Variants in CCR10 observed in about 807,000 individuals in gnomAD.
The protein encoded by CCR10 is C-C chemokine receptor type 10.
CCR10 carries 11 observed loss-of-function variants against 11.9 expected under a neutral mutation model. The ratio of observed to expected loss-of-function variants is 0.92; its 90% CI spans 0.58 to 1.53. The LOEUF (loss-of-function observed/expected upper bound fraction) is 1.53, where lower values mean the gene tolerates loss of function less well. Ranked by LOEUF, CCR10 falls within the 40% of genes most tolerant of loss-of-function variation. CCR10 has a pLI of 0.00. For missense variants in CCR10, 428 were observed against 496.6 expected (o/e 0.86, Z 1.31); for synonymous variants, 224 against 245.4 (o/e 0.91, Z 0.81).
intron 1 of CCR10, 51 bp from the exon 2 acceptor site, chr17:42,680,668 C>A (rs148991339): frequency 3.1e-6 from 4 of 1,299,298 alleles, no homozygotes; most frequent in Non-Finnish European, 4.3e-6. Context: ...TCTGACCACA[C>A]AACTCCCCCG....
Position 42,679,795 on chromosome 17 carries a change from G to A in CCR10, c.847C>T (p.Pro283Ser). 6.2e-7 allele frequency: 1 copy of A among 1,608,184 alleles called. No homozygotes were observed. Among genetic ancestry groups the A allele is most frequent in the Non-Finnish European group, 8.5e-7 (1 of 1,178,360 alleles). ...GCGACATCCTTGCGTTTGCTGGCAG[G>A]GCAGCTCCGCTCGCGCGCAGCCAGT... ...DLLAARERSCPASKRKDVALL... is the reference protein window; with the variant it reads ...DLLAARERSCSASKRKDVALL... The change falls in exon 2 of 2, where the codon CCT (proline) becomes TCT (serine). Residue 283 changes from proline to serine, a missense_variant. Transcript: ENST00000332438.
In CCR10 at chr17:42,680,225, G is replaced by A. The variant is rs543649831; in HGVS notation, c.417C>T (p.Tyr139=). ...CTGGGAGCGCTCGCGCGATGGCCAC[G>A]TAGCGGTCGGCGCTGATACAGGCCA... ...LFLACISADR[Y]VAIARALPAG... is the part of the protein sequence containing the mutation. The change falls in exon 2 of 2, where the codon TAC becomes TAT. Residue 139 remains tyrosine (Y), a synonymous_variant. Transcript: ENST00000332438. 1.8e-5 allele frequency: 28 copies of A among 1,595,174 alleles called. No homozygotes were observed. Among genetic ancestry groups the A allele is most frequent in the Admixed American group, 8.8e-5 (5 of 56,666 alleles).
Position 42,680,498 on chromosome 17 carries a change from G to A in CCR10, c.144C>T (p.Ser48=), listed in dbSNP as rs752398849. Reference sequence around the variant, plus strand: ...CCAGACCCAGCGCAGCCACGGTCAGGGAGACACTGGGTTGGAAGGCCCGGC... The same window carrying A: ...CCAGACCCAGCGCAGCCACGGTCAGAGAGACACTGGGTTGGAAGGCCCGGC... The part of the protein sequence containing the change: ...AFSRAFQPSV[S]LTVAALGLAG... The change falls in exon 2 of 2, where the codon TCC becomes TCT. Residue 48 remains serine (S), a synonymous_variant. Coordinates refer to ENST00000332438, the MANE Select transcript of CCR10 (RefSeq NM_016602.3). The A allele has an allele frequency of 4.3e-6, 7 of 1,612,040 alleles. 1 individual carries two copies. Among genetic ancestry groups the A allele is most frequent in the African/African-American group, 2.7e-5 (2 of 74,926 alleles).
In CCR10 at chr17:42,679,887, A is replaced by G. The variant is rs1479568709; in HGVS notation, c.755T>C (p.Leu252Pro). 4 of 1,585,448 alleles carry G rather than the reference A, an allele frequency of 2.5e-6. No homozygotes were observed. The highest frequency in any genetic ancestry group is 1.8e-5 in the Admixed American group (1 of 56,824). The change falls in exon 2 of 2, where the codon CTG becomes CCG. Residue 252 changes from leucine (L) to proline (P), a missense_variant. Transcript: ENST00000332438. Reference sequence around the variant, plus strand: ...CTGCAGCACCACGAAGGCCGCCACCAGAGCCACCACGACGCGCAGCGCACG... The same window carrying G: ...CTGCAGCACCACGAAGGCCGCCACCGGAGCCACCACGACGCGCAGCGCACG... ...RRRALRVVVALVAAFVVLQLP... is the reference protein window; with the variant it reads ...RRRALRVVVAPVAAFVVLQLP...
chr17:42,679,543 A>G lies in CCR10; in HGVS notation c.*10T>C. On this transcript the variant is annotated 3_prime_UTR_variant, in exon 2 of 2. Transcript: ENST00000332438. ...ACCCTCAGCCTGCCCCCTCCTCTAG[A>G]TTCGCAGCCCTAGTTGTCCCAGGAG... is the stretch of plus-strand genomic sequence containing the variant. 6.9e-7 allele frequency: 1 copy of G among 1,448,976 alleles called. No homozygotes were observed. Among genetic ancestry groups the G allele is most frequent in the Non-Finnish European group, 9.1e-7 (1 of 1,102,000 alleles). The allele number at this position is 1,448,976 out of a possible 1,614,324, so 89.8% of individuals were successfully genotyped here.
In CCR10 at chr17:42,679,478, C is replaced by T. The variant is rs1425987003; in HGVS notation, c.*75G>A. The T allele has an allele frequency of 5.5e-6, 6 of 1,083,486 alleles. No homozygotes were observed. Among genetic ancestry groups the T allele is most frequent in the African/African-American group, 3.3e-5 (2 of 60,380 alleles). 67.1% of individuals were successfully genotyped at this position (1,083,486 alleles called of 1,614,324 possible). A position where few individuals can be genotyped will look rare whatever the true frequency, so the allele number is the denominator to read the frequency against. ...AGAGGTAGTCCCTTTAGGTCCCTGC[C>T]TCTTTCTCAGTGTTCCCCCACCTAC... On this transcript the variant is annotated 3_prime_UTR_variant, in exon 2 of 2. Transcript: ENST00000332438.
In CCR10 at chr17:42,679,630, G is replaced by C; in HGVS notation, c.1012C>G (p.Arg338Gly). 6.8e-7 allele frequency: 1 copy of C among 1,480,980 alleles called. No individual in the cohort carries two copies. The highest frequency in any genetic ancestry group is 2.5e-5 in the East Asian group (1 of 39,338). The allele number at this position is 1,480,980 out of a possible 1,614,324, so 91.7% of individuals were successfully genotyped here. A position where few individuals can be genotyped will look rare whatever the true frequency, so the allele number is the denominator to read the frequency against. Residue 338 changes from arginine (R) to glycine (G), a missense_variant, in exon 2 of 2, where the codon CGC becomes GGC. By Grantham distance (125) the Arg-to-Gly change is moderately radical. Transcript: ENST00000332438. ...AGGCGGGGCCGGCGGGGGCAGCCGCGGCGGGGTTGAGGCCCTGAGGGGCAG... is the reference window on the plus strand; with the variant it reads ...AGGCGGGGCCGGCGGGGGCAGCCGCCGCGGGGTTGAGGCCCTGAGGGGCAG... The part of the protein sequence containing the change: ...GSCPSGPQPR[R>G]GCPRRPRLSS...
In CCR10 at chr17:42,678,948, A is replaced by G. The variant is rs567485948; in HGVS notation, c.*605T>C. 1 of 152,314 alleles carries G rather than the reference A, an allele frequency of 6.6e-6. No homozygotes were observed. The highest frequency in any genetic ancestry group is 1.9e-4 in the East Asian group (1 of 5,186). 9.4% of individuals were successfully genotyped at this position (152,314 alleles called of 1,614,324 possible). A position where few individuals can be genotyped will look rare whatever the true frequency, so the allele number is the denominator to read the frequency against. On this transcript the variant is annotated 3_prime_UTR_variant, in exon 2 of 2. Transcript: ENST00000332438. ...CACAGACACTAGGAAGGGATTGTAA[A>G]GTGGTTATGAAATCCAAACGCCCAC... is the stretch of plus-strand genomic sequence containing the variant.
chr17:42,681,016 TTTATTA>T lies in CCR10; in HGVS notation c.25-405_25-400del, dbSNP rs905299035. 3.6e-3 allele frequency among the ~76,000 whole-genome samples: 545 copies of T among 151,914 alleles called. 5 individuals are homozygous for T. The highest frequency in any genetic ancestry group is 0.013 in the African/African-American group (526 of 41,416). ...TACAAAGTTTGTATTATTATTATTA[TTTATTA>T]TTATTATTATTGGAGACAGAGTCTT... On this transcript the variant is annotated intron_variant, in intron 1 of 1. Coordinates refer to ENST00000332438, the MANE Select transcript of CCR10 (RefSeq NM_016602.3).
At chr17:42,680,734 G>A (rs2052921982) in intron 1 of CCR10, 117 bp from the exon 2 acceptor site, 4 of 707,018 alleles carry the variant, frequency 5.7e-6, no homozygotes, top group Non-Finnish European at 7.2e-6. Flanking sequence ...AACAGTACAC[G>A]GGGAGACATA....
chr17:42,680,074 G>A lies in CCR10; in HGVS notation c.568C>T (p.Arg190Cys), dbSNP rs1459378307. 2 of 1,607,134 alleles carry A rather than the reference G, an allele frequency of 1.2e-6. No individual in the cohort carries two copies. The highest frequency in any genetic ancestry group is 1.7e-6 in the Non-Finnish European group (2 of 1,178,672). ...CCCTCGGGGAAGATGAGGCGACAGCGTCGTTGGCCTTCCCGCTGCCCATCC... is the reference window on the plus strand; with the variant it reads ...CCCTCGGGGAAGATGAGGCGACAGCATCGTTGGCCTTCCCGCTGCCCATCC... ...SQDGQREGQRRCRLIFPEGLT... is the reference protein window; with the variant it reads ...SQDGQREGQRCCRLIFPEGLT... Residue 190 changes from arginine to cysteine, a missense_variant, in exon 2 of 2, where the codon CGC (arginine) becomes TGC (cysteine). Transcript: ENST00000332438.
At position 42,680,562 on chromosome 17, in the gene CCR10, A is replaced by T. The variant is rs370149615; in HGVS notation, c.80T>A (p.Leu27Gln). The T allele has an allele frequency of 6.2e-7, 1 of 1,605,994 alleles. No homozygotes were observed. The highest frequency in any genetic ancestry group is 1.7e-5 in the Admixed American group (1 of 59,052). ...DEEDAYSAEP[L>Q]PELCYKADVQ... Reference sequence around the variant, plus strand: ...ATCGGCCTTGTAGCAAAGCTCCGGCAGTGGCTCAGCCGAGTATGCGTCCTC... The same window carrying T: ...ATCGGCCTTGTAGCAAAGCTCCGGCTGTGGCTCAGCCGAGTATGCGTCCTC... The change falls in exon 2 of 2, where the codon CTG becomes CAG. Residue 27 changes from leucine (L) to glutamine (Q), a missense_variant. Transcript: ENST00000332438.
intron 1 of CCR10, among the ~76,000 whole-genome samples, chr17:42,680,947 G>C (rs2052923887): frequency 1.3e-5 from 2 of 152,216 alleles, no homozygotes; most frequent in South Asian, 4.2e-4. Flanking sequence ...TGGCAATATG[G>C]AAAATAATGG....
rs1315259048 is a variant in CCR10 at position 42,680,093 on chromosome 17, C to T, written c.549G>A (p.Gly183=). The T allele has an allele frequency of 6.2e-7, 1 of 1,610,530 alleles. No homozygotes were observed. Among genetic ancestry groups the T allele is most frequent in the Middle Eastern group, 1.7e-4 (1 of 6,058 alleles). Residue 183 remains glycine (G), a synonymous_variant, in exon 2 of 2, where the codon GGG becomes GGA. Coordinates refer to ENST00000332438, the MANE Select transcript of CCR10 (RefSeq NM_016602.3). ...ALPALLFSQD[G]QREGQRRCRL... The stretch of plus-strand genomic sequence containing the variant: ...GACAGCGTCGTTGGCCTTCCCGCTG[C>T]CCATCCTGGCTGAAGAGCAGCGCAG...
At chr17:42,681,776 C>T (rs756037095) in intron 1 of CCR10, 24 bp downstream of exon 1, 2 of 1,567,728 alleles carry the variant, frequency 1.3e-6, no homozygotes, top group South Asian at 1.1e-5. Flanking sequence ...TAACCCTTCT[C>T]CCCCTCCCTG....
At position 42,680,021 on chromosome 17, in the gene CCR10, G is replaced by GC. The variant is rs752706648; in HGVS notation, c.620dup (p.Ser207ArgfsTer162). 3.2e-6 allele frequency: 5 copies of GC among 1,583,816 alleles called. No homozygotes were observed. In the Admixed American group the frequency reaches 5.4e-5, roughly 17 times the overall value. ...AGCCCAGGGCCACCTGCGCCACGGC[G>GC]CTCGCCCCCTTCACCGTCTGCGTGA... On this transcript the variant is annotated frameshift_variant, in exon 2 of 2. Coordinates refer to ENST00000332438, the MANE Select transcript of CCR10 (RefSeq NM_016602.3). LOFTEE classifies it high-confidence loss of function.
chr17:42,681,427 C>A (rs1208860102), intron 1 of CCR10: 1 of 324,926 alleles, frequency 3.1e-6, no homozygotes, highest in East Asian at 8.1e-5. Context: ...TGGACTCCAA[C>A]CTCCGTCTGG....
In CCR10 at chr17:42,679,895, C is replaced by G; in HGVS notation, c.747G>C (p.Val249=). 6.3e-7 allele frequency: 1 copy of G among 1,576,700 alleles called. No individual in the cohort carries two copies. The highest frequency in any genetic ancestry group is 1.4e-5 in the African/African-American group (1 of 73,726). The stretch of plus-strand genomic sequence containing the variant: ...CCACGAAGGCCGCCACCAGAGCCAC[C>G]ACGACGCGCAGCGCACGCCGGCGCT... ...GPERRRALRV[V]VALVAAFVVL... is the part of the protein sequence containing the mutation. The change falls in exon 2 of 2, where the codon GTG becomes GTC. Residue 249 remains valine, a synonymous_variant. Coordinates refer to ENST00000332438, the MANE Select transcript of CCR10 (RefSeq NM_016602.3).
At position 42,680,529 on chromosome 17, in the gene CCR10, G is replaced by T. The variant is rs2052917782; in HGVS notation, c.113C>A (p.Ala38Asp). Residue 38 changes from alanine to aspartate, a missense_variant, in exon 2 of 2, where the codon GCC (alanine) becomes GAC (aspartate). By Grantham distance (126) the Ala-to-Asp change is moderately radical. Transcript: ENST00000332438. ...ACTGGGTTGGAAGGCCCGGCTGAAGGCCTGGACATCGGCCTTGTAGCAAAG... is the reference window on the plus strand; with the variant it reads ...ACTGGGTTGGAAGGCCCGGCTGAAGTCCTGGACATCGGCCTTGTAGCAAAG... The part of the protein sequence containing the change: ...PELCYKADVQ[A>D]FSRAFQPSVS... The T allele has an allele frequency of 1.2e-6, 2 of 1,612,250 alleles. No homozygotes were observed. Among genetic ancestry groups the T allele is most frequent in the Non-Finnish European group, 1.7e-6 (2 of 1,179,508 alleles).
Sources: allele counts gnomAD v4.1 joint callset (sites outside exome capture counted in the v4.1 genomes callset), GRCh38; gene constraint gnomAD v4.1.1; transcripts MANE v1.5; gene names NCBI Gene and HGNC (gene_info 2026-07-23, HGNC 2026-07-21).